ADCY5: variants seen among roughly 807,000 people sequenced by gnomAD.
The protein encoded by ADCY5 is adenylate cyclase type 5.
Under a neutral mutation model 119.7 loss-of-function variants are expected in ADCY5, and 30 were observed. The observed-to-expected ratio is 0.25, with a 90% CI of 0.19 to 0.34. The LOEUF is 0.34. Among genes scored for constraint, ADCY5 ranks in the 10% least tolerant of loss-of-function variants. The pLI is 1.00. For missense variants in ADCY5, 1,324 were observed against 1,775.2 expected (o/e 0.75, Z 4.57); for synonymous variants, 753 against 762.2 (o/e 0.99, Z 0.20).
In ADCY5 at chr3:123,325,393, G is replaced by T. The variant is rs1306287443; in HGVS notation, c.2017C>A (p.His673Asn). 3.1e-6 allele frequency: 5 copies of T among 1,614,072 alleles called. No homozygotes were observed. The Admixed American group carries it at 8.3e-5, about 27-fold the overall frequency. ...RTNSIGHNPPHWGAERPFYNH... is the reference protein window; with the variant it reads ...RTNSIGHNPPNWGAERPFYNH... The stretch of plus-strand genomic sequence containing the variant: ...TAGAAGGGGCGCTCAGCCCCCCAGT[G>T]TGGTGGGTTGTGCCCGATGGAGTTG... The change falls in exon 8 of 21, where the codon CAC becomes AAC. Residue 673 changes from histidine (H) to asparagine (N), a missense_variant. Coordinates refer to ENST00000462833, the MANE Select transcript of ADCY5 (RefSeq NM_183357.3).
intron 17 of ADCY5, among the ~76,000 whole-genome samples, chr3:123,295,302 G>A (rs1034351557): frequency 2.0e-5 from 3 of 152,180 alleles, no homozygotes; most frequent in African/African-American, 7.2e-5. Flanking sequence ...CGGGCCAAGA[G>A]AGGCAGAGGC....
At chr3:123,368,094 G>T in intron 1 of ADCY5, 1 of 1,391,598 alleles carries the variant, frequency 7.2e-7, no homozygotes, top group Non-Finnish European at 9.4e-7. Flanking sequence ...GCTATGCTGG[G>T]AGTCAGGAGC....
chr3:123,303,229 G>A lies in ADCY5; in HGVS notation c.2560-10C>T, dbSNP rs1426802700. 6.2e-7 allele frequency: 1 copy of A among 1,610,724 alleles called. No individual in the cohort carries two copies. The highest frequency in any genetic ancestry group is 2.2e-5 in the East Asian group (1 of 44,782). ...TGGAGTTGCACGTGAACTGGGGGGA[G>A]GAAGGAGGGTGATGAGGGGAGGGTA... On this transcript the variant is annotated splice_polypyrimidine_tract_variant and intron_variant, in intron 13 of 20. Transcript: ENST00000462833.
intron 12 of ADCY5, among the ~76,000 whole-genome samples, chr3:123,307,389 A>G (rs547803708): frequency 2.0e-5 from 3 of 152,336 alleles, no homozygotes; most frequent in East Asian, 1.9e-4. Context: ...AGTGGCTATC[A>G]AGACTTAGTA....
chr3:123,433,697 C>A (rs1247329998), intron 1 of ADCY5, among the ~76,000 whole-genome samples: 1 of 152,054 alleles, frequency 6.6e-6, no homozygotes, highest in Non-Finnish European at 1.5e-5. Context: ...ACAGAGAGAC[C>A]CCGGGTCAGA....
At chr3:123,391,305 AC>A (rs148685907) in intron 1 of ADCY5, among the ~76,000 whole-genome samples, 4,501 of 152,058 alleles carry the variant, frequency 0.03, 223 homozygotes, top group African/African-American at 0.099. Flanking sequence ...ACCTGGCCAA[AC>A]CCCCCCTTTC....
At chr3:123,422,933 A>G (rs1945329735) in intron 1 of ADCY5, among the ~76,000 whole-genome samples, 1 of 152,220 alleles carries the variant, frequency 6.6e-6, no homozygotes, top group South Asian at 2.1e-4. Flanking sequence ...TTTGTATAGC[A>G]GAATCTGGAC....
chr3:123,365,624 G>C (rs958083921), intron 1 of ADCY5, among the ~76,000 whole-genome samples: 1 of 152,172 alleles, frequency 6.6e-6, no homozygotes, highest in Non-Finnish European at 1.5e-5. Flanking sequence ...GAGTGAGTGG[G>C]TTATGAGTAA....
chr3:123,331,665 A>T (rs186712909), intron 4 of ADCY5, among the ~76,000 whole-genome samples: 217 of 152,274 alleles, frequency 1.4e-3, no homozygotes, highest in African/African-American at 5.1e-3. Flanking sequence ...GGATTGCGAT[A>T]GAATATCAGT....
intron 1 of ADCY5, among the ~76,000 whole-genome samples, chr3:123,442,872 C>G (rs974851361): frequency 1.3e-5 from 2 of 152,202 alleles, no homozygotes; most frequent in Non-Finnish European, 2.9e-5. Context: ...CAAATACAGT[C>G]AGCCTTGAGG....
chr3:123,318,713 G>A (rs190146904), intron 10 of ADCY5, among the ~76,000 whole-genome samples: 5 of 152,294 alleles, frequency 3.3e-5, no homozygotes, highest in Admixed American at 3.3e-4. Context: ...CAGTTTGCTT[G>A]CCTGGTTTAA....
At chr3:123,354,148 C>A (rs1576614832) in intron 1 of ADCY5, among the ~76,000 whole-genome samples, 1 of 152,240 alleles carries the variant, frequency 6.6e-6, no homozygotes. Flanking sequence ...ATAGGAAAAG[C>A]CAACCTATTT....
chr3:123,300,367 C>A, intron 14 of ADCY5, 72 bp from the exon 15 acceptor site: 2 of 1,519,634 alleles, frequency 1.3e-6, no homozygotes, highest in African/African-American at 2.7e-5. Flanking sequence ...CATGCATCCT[C>A]CAGTCTGAGC....
intron 1 of ADCY5, among the ~76,000 whole-genome samples, chr3:123,445,111 AC>A (rs1945789898): frequency 6.6e-6 from 1 of 152,266 alleles, no homozygotes; most frequent in South Asian, 2.1e-4. Context: ...ACCACTCATA[AC>A]AAGCTCTGCA....
chr3:123,284,854 G>A (rs960000626), intron 20 of ADCY5, 118 bp from the exon 21 acceptor site: 2 of 1,394,216 alleles, frequency 1.4e-6, no homozygotes, highest in African/African-American at 2.8e-5. Flanking sequence ...CAGAAGGAGA[G>A]GGGCAGCTGC....
chr3:123,284,961 C>T (rs1938637114), intron 20 of ADCY5, among the ~76,000 whole-genome samples: 1 of 152,226 alleles, frequency 6.6e-6, no homozygotes, highest in African/African-American at 2.4e-5. Flanking sequence ...AGCACCTGCT[C>T]GTGCCAGGCA....
intron 3 of ADCY5, among the ~76,000 whole-genome samples, chr3:123,338,368 G>C (rs1942121050): frequency 6.6e-6 from 1 of 152,198 alleles, no homozygotes; most frequent in Admixed American, 6.5e-5. Flanking sequence ...TCCTGTCAGA[G>C]ACAAAGTCAC....
intron 3 of ADCY5, among the ~76,000 whole-genome samples, chr3:123,345,769 G>GACAGACAGACAGACACACACACAC (rs57198270): frequency 1.9e-3 from 220 of 113,822 alleles, no homozygotes; most frequent in African/African-American, 7.6e-3. Context: ...CAGACAGACA[G>GACAGACAGACAGACACACACACAC]ACACACACAC....
chr3:123,352,641 T>G lies in ADCY5; in HGVS notation c.1135-60A>C. 1.3e-6 allele frequency: 2 copies of G among 1,544,054 alleles called. No individual in the cohort carries two copies. The highest frequency in any genetic ancestry group is 1.8e-6 in the Non-Finnish European group (2 of 1,138,408). ...TCCTGACCTTCCTGGCCCCAAAGCA[T>G]GAAGCCCTCAGCCCCTGTCTCAGCA... is the stretch of plus-strand genomic sequence containing the variant. On this transcript the variant is annotated intron_variant, in intron 1 of 20. Coordinates refer to ENST00000462833, the MANE Select transcript of ADCY5 (RefSeq NM_183357.3). This position sits in a 1 kb window ranked among gnomAD's most constrained non-coding sequence, Gnocchi z 4.8.
Sources: gnomAD v4.1 joint callset for allele counts (sites outside exome capture counted in the v4.1 genomes callset) on GRCh38, gnomAD v4.1.1 for gene constraint, Gnocchi (gnomAD v3.1) non-coding constraint, MANE v1.5 for transcripts, NCBI Gene and HGNC (gene_info 2026-07-23, HGNC 2026-07-21) for gene names.